The following PTPRT variants were observed in gnomAD, a reference collection of about 807,000 sequenced individuals.
PTPRT encodes receptor-type tyrosine-protein phosphatase T.
PTPRT carries 56 observed loss-of-function variants against 176.8 expected under a neutral mutation model. That is an observed-to-expected ratio of 0.32 (90% CI 0.26 to 0.40). The LOEUF is 0.40. Among genes scored for constraint, PTPRT ranks in the 10% least tolerant of loss-of-function variants. The pLI is 1.00. For synonymous variants in PTPRT, 783 were observed against 739.0 expected (o/e 1.06, Z -0.96); for missense variants, 1,540 against 1,908.2 (o/e 0.81, Z 3.60).
intron 9 of PTPRT, among the ~76,000 whole-genome samples, chr20:42,416,845 T>A (rs145217212): frequency 1.3e-3 from 201 of 152,340 alleles, no homozygotes; most frequent in Non-Finnish European, 2.4e-3. Flanking sequence ...AAGTATGTTA[T>A]CAGATTGTAT....
intron 9 of PTPRT, among the ~76,000 whole-genome samples, chr20:42,374,282 G>C (rs1030685759): frequency 6.6e-6 from 1 of 152,198 alleles, no homozygotes; most frequent in African/African-American, 2.4e-5. Context: ...GGTGTGGTCT[G>C]TGGACAAGGG....
At chr20:42,455,605 T>C (rs1017528280) in intron 8 of PTPRT, among the ~76,000 whole-genome samples, 2 of 152,170 alleles carry the variant, frequency 1.3e-5, no homozygotes, top group Non-Finnish European at 2.9e-5. Flanking sequence ...CCTCAATTCA[T>C]TTACAACTGT....
rs1315623029 is a variant in PTPRT at position 42,677,867 on chromosome 20, T to C, written c.1152A>G (p.Ala384=). Reference sequence around the variant, plus strand: ...GCCTGGGAAAAAAAAAAATCTTACCTGCACACTTGGTCCTGGTGGTGAGGG... The same window carrying C: ...GCCTGGGAAAAAAAAAAATCTTACCCGCACACTTGGTCCTGGTGGTGAGGG... ...GPPLTTRTKC[A]DPVHGPQNVE... is the part of the protein sequence containing the mutation. Residue 384 remains alanine (A), a splice_region_variant and synonymous_variant, in exon 7 of 31, where the codon GCA becomes GCG. Transcript: ENST00000373187. The C allele has an allele frequency of 5.0e-6, 8 of 1,599,690 alleles. No homozygotes were observed. The highest frequency in any genetic ancestry group is 4.6e-5 in the South Asian group (4 of 87,370).
At chr20:42,265,064 T>C (rs995478763) in intron 13 of PTPRT, among the ~76,000 whole-genome samples, 1 of 152,236 alleles carries the variant, frequency 6.6e-6, no homozygotes, top group African/African-American at 2.4e-5. Flanking sequence ...TGAAGTTTTT[T>C]ATCTCATGAT....
rs79059055 is a variant in PTPRT, at chr20:42,477,393, A to AT, written c.1154-4832dup. 3.7e-3 allele frequency among the ~76,000 whole-genome samples: 564 copies of AT among 151,306 alleles called. 16 individuals carry two copies. The South Asian group carries it at 0.076, about 20-fold the overall frequency. ...CTTTAAGGGTAATATATATATATAT[A>AT]TTTTTTTTGCATTCAAGCAAGAGAA... is the stretch of plus-strand genomic sequence containing the variant. On this transcript the variant is annotated intron_variant, in intron 7 of 30. Coordinates refer to ENST00000373187, the MANE Select transcript of PTPRT (RefSeq NM_007050.6).
In PTPRT at chr20:42,633,819, A is replaced by ATAT. The variant is rs1162225733; in HGVS notation, c.1153+44046_1153+44047insATA. ...TATATATATATATATATATATATAT[A>ATAT]ATAAAATATTAATATATTATAATAA... On this transcript the variant is annotated intron_variant, in intron 7 of 30. Coordinates refer to ENST00000373187, the MANE Select transcript of PTPRT (RefSeq NM_007050.6). Among the ~76,000 whole-genome samples, 20 of 85,578 alleles carry ATAT rather than the reference A, an allele frequency of 2.3e-4. 2 individuals are homozygous for ATAT. Among genetic ancestry groups the ATAT allele is most frequent in the African/African-American group, 8.0e-4 (12 of 14,952 alleles). 56.1% of individuals were successfully genotyped at this position (85,578 alleles called of 152,430 possible).
chr20:42,187,476 C>T (rs1041254209), intron 16 of PTPRT, among the ~76,000 whole-genome samples: 4 of 152,184 alleles, frequency 2.6e-5, no homozygotes, highest in South Asian at 2.1e-4. Context: ...TGGTGATGCA[C>T]TGAGCATAGG....
intron 8 of PTPRT, among the ~76,000 whole-genome samples, chr20:42,471,075 T>C (rs1252887290): frequency 1.3e-5 from 2 of 152,168 alleles, no homozygotes; most frequent in Non-Finnish European, 2.9e-5. Context: ...TACCTTGAGC[T>C]TGAGATGACT....
rs1201839752 is a variant in PTPRT, at chr20:42,361,294, G to T, written c.1561-9009C>A. ...GGAGGCCCAAGGTGGTGAAGGTCTT[G>T]TATCTGGGCCTGAATTTCTAAACCT... On this transcript the variant is annotated intron_variant, in intron 9 of 30. Coordinates refer to ENST00000373187, the MANE Select transcript of PTPRT (RefSeq NM_007050.6). Among the ~76,000 whole-genome samples the T allele has an allele frequency of 3.9e-5, 6 of 152,314 alleles. No individual in the cohort carries two copies. In the East Asian group the frequency reaches 7.7e-4, roughly 20 times the overall value.
chr20:43,158,731 T>C (rs1054285304), intron 1 of PTPRT, among the ~76,000 whole-genome samples: 6 of 152,126 alleles, frequency 3.9e-5, no homozygotes, highest in African/African-American at 1.4e-4. Context: ...ACACCTTGTG[T>C]AAAATAGGAA....
chr20:42,340,826 A>G (rs2058101035), intron 11 of PTPRT, among the ~76,000 whole-genome samples: 1 of 152,084 alleles, frequency 6.6e-6, no homozygotes, highest in African/African-American at 2.4e-5. Context: ...CAGTGGGAGA[A>G]GTAAAAGTCA....
intron 19 of PTPRT, among the ~76,000 whole-genome samples, chr20:42,126,785 G>A (rs557891833): frequency 6.6e-6 from 1 of 152,348 alleles, no homozygotes; most frequent in Non-Finnish European, 1.5e-5. Context: ...CTCTGTGTTT[G>A]TGAACTGAAT....
chr20:42,974,151 C>T (rs1211728771), intron 1 of PTPRT, among the ~76,000 whole-genome samples: 3 of 152,126 alleles, frequency 2.0e-5, no homozygotes, highest in African/African-American at 4.8e-5. Flanking sequence ...AACAGGTGTA[C>T]GTGGCTCAAT....
chr20:43,117,083 A>G (rs1293955338), intron 1 of PTPRT, among the ~76,000 whole-genome samples: 1 of 152,102 alleles, frequency 6.6e-6, no homozygotes, highest in Non-Finnish European at 1.5e-5. Context: ...TCTCATGGCA[A>G]TGACCAAAAC....
At chr20:42,245,613 C>T (rs987081612) in intron 14 of PTPRT, among the ~76,000 whole-genome samples, 2 of 152,104 alleles carry the variant, frequency 1.3e-5, no homozygotes, top group African/African-American at 4.8e-5. Context: ...TCATTAAACC[C>T]TTCCCTTCAT....
At chr20:42,920,611 T>C (rs1287635110) in intron 1 of PTPRT, among the ~76,000 whole-genome samples, 1 of 152,094 alleles carries the variant, frequency 6.6e-6, no homozygotes, top group East Asian at 1.9e-4. Flanking sequence ...CATGGTCACA[T>C]ACATACAAAA....
chr20:42,838,517 T>C (rs1195305039), intron 2 of PTPRT, among the ~76,000 whole-genome samples: 1 of 152,276 alleles, frequency 6.6e-6, no homozygotes, highest in African/African-American at 2.4e-5. Flanking sequence ...GGAGGACCAG[T>C]TGGGGATCCC....
At chr20:43,008,747 A>G (rs976111832) in intron 1 of PTPRT, among the ~76,000 whole-genome samples, 1 of 152,072 alleles carries the variant, frequency 6.6e-6, no homozygotes, top group Non-Finnish European at 1.5e-5. Context: ...TTATAAGCCA[A>G]TCTATGGTAT....
intron 16 of PTPRT, among the ~76,000 whole-genome samples, chr20:42,172,263 A>G (rs1270894951): frequency 1.3e-5 from 2 of 152,156 alleles, no homozygotes; most frequent in Admixed American, 1.3e-4. Context: ...GATACAGCAG[A>G]GGAGCTGAAA....
Sources: gnomAD v4.1 joint callset for allele counts (sites outside exome capture counted in the v4.1 genomes callset) on GRCh38, gnomAD v4.1.1 for gene constraint, MANE v1.5 for transcripts, NCBI Gene and HGNC (gene_info 2026-07-23, HGNC 2026-07-21) for gene names.